The following CTBP1 variants were observed in gnomAD, a reference collection of about 807,000 sequenced individuals.
CTBP1 encodes the protein C-terminal binding protein 1, also known as C-terminal-binding protein 1.
Under a neutral mutation model 42.1 loss-of-function variants are expected in CTBP1, and 11 were observed. The ratio of observed to expected loss-of-function variants is 0.26; its 90% CI spans 0.16 to 0.43. CTBP1 has a LOEUF of 0.43. Ranked by LOEUF, CTBP1 falls within the 20% of genes least tolerant of loss-of-function variation. The pLI is 1.00. For synonymous variants in CTBP1, 324 were observed against 277.1 expected, an observed-to-expected ratio of 1.17 and a Z score of -1.68; for missense variants, 399 against 624.3, an observed-to-expected ratio of 0.64 and a Z score of 3.85.
chr4:1,245,690 G>A (rs546735350), intron 1 of CTBP1: 4 of 983,896 alleles, frequency 4.1e-6, no homozygotes, highest in Non-Finnish European at 3.6e-6. Flanking sequence ...CGGGTGGGCA[G>A]GGTGGCACGG....
intron 3 of CTBP1, 145 bp from the exon 4 acceptor site, chr4:1,228,488 T>A: frequency 9.6e-7 from 1 of 1,036,924 alleles, no homozygotes; most frequent in Non-Finnish European, 1.4e-6. Flanking sequence ...TGGGAGAGGC[T>A]ACATGAAGGC....
intron 4 of CTBP1, among the ~76,000 whole-genome samples, chr4:1,226,653 ACT>A (rs903142531): frequency 4.6e-5 from 7 of 150,878 alleles, no homozygotes; most frequent in African/African-American, 1.7e-4. Flanking sequence ...GGCCTGGGAA[ACT>A]CCACGGGTAA....
At chr4:1,239,578 C>A (rs554189697) in intron 2 of CTBP1, among the ~76,000 whole-genome samples, 79 of 152,326 alleles carry the variant, frequency 5.2e-4, no homozygotes, top group Non-Finnish European at 1.0e-3. Flanking sequence ...CAGGGAAGTG[C>A]CTCCTGGAAC....
intron 1 of CTBP1, chr4:1,242,989 A>G: frequency 5.1e-6 from 5 of 985,146 alleles, no homozygotes; most frequent in Non-Finnish European, 6.0e-6. Flanking sequence ...ATACTCATCA[A>G]TGCCAGCCAA....
chr4:1,236,554 C>A lies in CTBP1; in HGVS notation c.162+1629G>T. On this transcript the variant is annotated intron_variant, in intron 3 of 9. Coordinates refer to ENST00000382952, the MANE Select transcript of CTBP1 (RefSeq NM_001012614.2). ...ACCCGGTGTCCACCTCCTGATGGGG[C>A]TCAGGACAAACCGAGTGTCCACCTC... The A allele has an allele frequency of 4.6e-6, 3 of 657,278 alleles. No individual in the cohort carries two copies. In the South Asian group the frequency reaches 4.9e-5, roughly 11 times the overall value. The allele number at this position is 657,278 out of a possible 1,614,324, so 40.7% of individuals were successfully genotyped here.
intron 9 of CTBP1, 166 bp from the exon 10 acceptor site, chr4:1,212,589 C>G (rs1319967569): frequency 7.3e-6 from 5 of 683,624 alleles, no homozygotes; most frequent in Non-Finnish European, 1.2e-5. Context: ...GCAGCTACTT[C>G]TCAGGGCTGG....
At chr4:1,234,119 C>T (rs1051897027) in intron 3 of CTBP1, among the ~76,000 whole-genome samples, 5 of 152,198 alleles carry the variant, frequency 3.3e-5, no homozygotes, top group African/African-American at 1.2e-4. Context: ...GGCAAGAAAG[C>T]GTGGGCAGCC....
intron 1 of CTBP1, among the ~76,000 whole-genome samples, chr4:1,246,764 G>A (rs958086983): frequency 6.6e-6 from 1 of 152,232 alleles, no homozygotes; most frequent in African/African-American, 2.4e-5. Flanking sequence ...TCTAAGCCCC[G>A]AGGGAAGAGA....
At chr4:1,227,519 T>A (rs1231946315) in intron 4 of CTBP1, among the ~76,000 whole-genome samples, 45 of 145,732 alleles carry the variant, frequency 3.1e-4, no homozygotes, top group African/African-American at 1.1e-3. Flanking sequence ...AGTGTGCGTG[T>A]TCCATGTGCT....
intron 9 of CTBP1, 101 bp downstream of exon 9, chr4:1,212,812 A>C: frequency 1.0e-6 from 1 of 973,818 alleles, no homozygotes; most frequent in South Asian, 1.3e-5. Flanking sequence ...CCTCCAGGTC[A>C]GTCAGTGGAG....
At chr4:1,236,691 G>C (rs1577064800) in intron 3 of CTBP1, 1 of 667,284 alleles carries the variant, frequency 1.5e-6, no homozygotes, top group South Asian at 1.5e-5. Context: ...CCTCCTGATG[G>C]GGCACAGGGC....
intron 2 of CTBP1, among the ~76,000 whole-genome samples, chr4:1,241,030 G>A (rs922939381): frequency 3.9e-5 from 6 of 152,168 alleles, no homozygotes; most frequent in African/African-American, 7.2e-5. Context: ...TCGTGCTGGC[G>A]GCCTCCACAT....
chr4:1,238,026 C>A lies in CTBP1; in HGVS notation c.162+157G>T. The A allele has an allele frequency of 1.0e-6, 1 of 970,738 alleles. No individual in the cohort carries two copies. The highest frequency in any genetic ancestry group is 1.6e-6 in the Non-Finnish European group (1 of 614,992). 60.1% of individuals were successfully genotyped at this position (970,738 alleles called of 1,614,324 possible). On this transcript the variant is annotated intron_variant, in intron 3 of 9. Coordinates refer to ENST00000382952, the MANE Select transcript of CTBP1 (RefSeq NM_001012614.2). The surrounding 1 kb of genome is among the most constrained non-coding windows in gnomAD (Gnocchi z 5.9). ...TCCTGATGGTGTCCAGGGAAAACCCCGTGTCCACCTCCTGACGGCGCGGGA... is the reference window on the plus strand; with the variant it reads ...TCCTGATGGTGTCCAGGGAAAACCCAGTGTCCACCTCCTGACGGCGCGGGA...
intron 3 of CTBP1, chr4:1,234,624 G>T (rs1303523670): frequency 6.6e-6 from 1 of 152,208 alleles, no homozygotes; most frequent in Non-Finnish European, 1.5e-5. Flanking sequence ...AAAAACATCT[G>T]TTTTGCCTTA....
At chr4:1,242,410 G>A (rs1732272147) in intron 1 of CTBP1, 1 of 985,354 alleles carries the variant, frequency 1.0e-6, no homozygotes, top group African/African-American at 1.7e-5. Context: ...GGCGTGGGCT[G>A]AGACGACTGC....
intron 1 of CTBP1, chr4:1,248,601 G>A: frequency 3.5e-6 from 3 of 853,010 alleles, no homozygotes; most frequent in South Asian, 5.3e-5. Flanking sequence ...CGGGGCTGGG[G>A]TCGGTGGAGC....
chr4:1,222,438 C>T (rs1380500267), intron 5 of CTBP1, among the ~76,000 whole-genome samples: 2 of 152,162 alleles, frequency 1.3e-5, no homozygotes, highest in East Asian at 3.9e-4. Context: ...AGGGAAGCAG[C>T]TGCCCCCCAG....
intron 1 of CTBP1, chr4:1,243,721 G>C (rs1732427517): frequency 2.0e-6 from 2 of 985,456 alleles, no homozygotes; most frequent in Non-Finnish European, 2.4e-6. Context: ...TGGCCGGTCA[G>C]GGTCAAGGGC....
chr4:1,246,325 G>A (rs1015649565), intron 1 of CTBP1, among the ~76,000 whole-genome samples: 7 of 152,150 alleles, frequency 4.6e-5, no homozygotes, highest in Admixed American at 1.3e-4. Flanking sequence ...TTCAACCACA[G>A]AACCCGTATG....
Sources: allele counts gnomAD v4.1 joint callset (sites outside exome capture counted in the v4.1 genomes callset), GRCh38; gene constraint gnomAD v4.1.1; non-coding constraint Gnocchi (gnomAD v3.1); transcripts MANE v1.5; gene names NCBI Gene and HGNC (gene_info 2026-07-23, HGNC 2026-07-21).